Variants in GRIP1 observed in about 807,000 individuals in gnomAD.
GRIP1 encodes the protein glutamate receptor interacting protein 1.
GRIP1 carries 45 observed loss-of-function variants against 129.9 expected under a neutral mutation model. That is an observed-to-expected ratio of 0.35 (90% CI 0.27 to 0.44). The LOEUF is 0.44. Ranked by LOEUF, GRIP1 falls within the 20% of genes least tolerant of loss-of-function variation. The pLI is 1.00. For synonymous variants in GRIP1, 530 were observed against 520.8 expected (o/e 1.02, Z -0.24); for missense variants, 1,196 against 1,396.8 (o/e 0.86, Z 2.29).
chr12:66,463,020 C>T lies in GRIP1; in HGVS notation c.946G>A (p.Glu316Lys). 6.2e-7 allele frequency: 1 copy of T among 1,613,932 alleles called. No individual in the cohort carries two copies. The highest frequency in any genetic ancestry group is 1.1e-5 in the South Asian group (1 of 91,060). Reference sequence around the variant, plus strand: ...GTGTTGGCCAGGAACTGGGTTGCTTCTGCAAGTGTACAGTACTCCATGCTG... The same window carrying T: ...GTGTTGGCCAGGAACTGGGTTGCTTTTGCAAGTGTACAGTACTCCATGCTG... ...GTSMEYCTLA[E>K]ATQFLANTTD... Residue 316 changes from glutamate to lysine, a missense_variant, in exon 9 of 25, where the codon GAA (glutamate) becomes AAA (lysine). By Grantham distance (56) the Glu-to-Lys change is moderately conservative. Around this residue, in one of 5 missense-constraint regions of GRIP1, gnomAD observed 508 missense variants for 587.0 expected, o/e 0.87. Transcript: ENST00000359742.
At chr12:66,568,347 T>G (rs1356784786) in intron 2 of GRIP1, 1 of 177,152 alleles carries the variant, frequency 5.6e-6, no homozygotes, top group Non-Finnish European at 1.2e-5. Context: ...AAAAAATGTC[T>G]GCATATGCTT....
At chr12:66,717,854 T>C (rs1004894449) in intron 1 of GRIP1, among the ~76,000 whole-genome samples, 6 of 152,136 alleles carry the variant, frequency 3.9e-5, no homozygotes, top group African/African-American at 1.4e-4. Context: ...ATTTCTGTGT[T>C]TTGGTTAATG....
chr12:66,483,410 T>C (rs1051407778), intron 7 of GRIP1, among the ~76,000 whole-genome samples: 2 of 152,192 alleles, frequency 1.3e-5, no homozygotes, highest in African/African-American at 4.8e-5. Context: ...ATAAGCTTCG[T>C]CTTAAATCCT....
At chr12:66,995,453 A>G (rs903532207) in intron 1 of GRIP1, among the ~76,000 whole-genome samples, 12 of 152,136 alleles carry the variant, frequency 7.9e-5, no homozygotes, top group African/African-American at 2.9e-4. Flanking sequence ...TATATCTGAT[A>G]TTGGACTTAT....
chr12:66,415,621 T>A (rs558222978), intron 15 of GRIP1, among the ~76,000 whole-genome samples: 1 of 152,208 alleles, frequency 6.6e-6, no homozygotes, highest in South Asian at 2.1e-4. Flanking sequence ...ATATGCACGC[T>A]TATGTCCACT....
At chr12:66,379,902 T>C (rs1388471451) in intron 19 of GRIP1, among the ~76,000 whole-genome samples, 1 of 152,104 alleles carries the variant, frequency 6.6e-6, no homozygotes, top group Non-Finnish European at 1.5e-5. Flanking sequence ...ATATTTCTCA[T>C]CCATTTCAAA....
chr12:66,961,476 T>C (rs2041920191), intron 1 of GRIP1, among the ~76,000 whole-genome samples: 1 of 152,180 alleles, frequency 6.6e-6, no homozygotes, highest in Non-Finnish European at 1.5e-5. Flanking sequence ...AACAATGTTA[T>C]AAGAAGTAGT....
intron 24 of GRIP1, among the ~76,000 whole-genome samples, chr12:66,350,833 C>T (rs1390201308): frequency 6.6e-6 from 1 of 152,180 alleles, no homozygotes; most frequent in Non-Finnish European, 1.5e-5. Flanking sequence ...TATTGTATTG[C>T]CTTTCTATGT....
intron 22 of GRIP1, among the ~76,000 whole-genome samples, chr12:66,372,786 T>C (rs1451560862): frequency 2.6e-5 from 4 of 151,644 alleles, no homozygotes; most frequent in Admixed American, 6.6e-5. Context: ...GAAACCAATA[T>C]CAAGTAGTGG....
intron 1 of GRIP1, among the ~76,000 whole-genome samples, chr12:66,605,667 T>C (rs2064489764): frequency 6.6e-6 from 1 of 152,294 alleles, no homozygotes; most frequent in East Asian, 1.9e-4. Context: ...ACTTTATAAC[T>C]TCGGTAACTT....
chr12:67,035,344 G>C (rs1015320687), intron 1 of GRIP1, among the ~76,000 whole-genome samples: 7 of 152,148 alleles, frequency 4.6e-5, no homozygotes, highest in Non-Finnish European at 2.9e-5. Flanking sequence ...GGGAGGGTTC[G>C]CAGTTTGGAA....
intron 1 of GRIP1, among the ~76,000 whole-genome samples, chr12:66,981,631 T>C (rs1027686742): frequency 5.9e-5 from 9 of 152,220 alleles, no homozygotes; most frequent in Non-Finnish European, 7.3e-5. Context: ...AATTTAGCTT[T>C]ACAGCAAGGT....
chr12:67,042,692 A>T (rs2043197857), intron 1 of GRIP1, among the ~76,000 whole-genome samples: 1 of 152,222 alleles, frequency 6.6e-6, no homozygotes, highest in South Asian at 2.1e-4. Flanking sequence ...AGAGGCCAGG[A>T]CTGAGGACAA....
At chr12:66,566,651 G>A (rs1389129408) in intron 2 of GRIP1, among the ~76,000 whole-genome samples, 2 of 152,166 alleles carry the variant, frequency 1.3e-5, no homozygotes, top group South Asian at 2.1e-4. Flanking sequence ...ATGAGTTAGG[G>A]AGGATTCCCT....
At chr12:66,743,100 A>C (rs1283476247) in intron 1 of GRIP1, among the ~76,000 whole-genome samples, 1 of 152,186 alleles carries the variant, frequency 6.6e-6, no homozygotes, top group Non-Finnish European at 1.5e-5. Context: ...AAATAAATAA[A>C]GAAGAGAACC....
At chr12:67,054,288 T>C (rs1487190867) in intron 1 of GRIP1, among the ~76,000 whole-genome samples, 1 of 152,246 alleles carries the variant, frequency 6.6e-6, no homozygotes, top group African/African-American at 2.4e-5. Context: ...AACAGATATT[T>C]ACTAAGCACC....
intron 2 of GRIP1, among the ~76,000 whole-genome samples, chr12:66,570,703 C>T (rs2062932347): frequency 6.6e-6 from 1 of 152,112 alleles, no homozygotes; most frequent in Non-Finnish European, 1.5e-5. Flanking sequence ...GGGAGGCATC[C>T]TAGCAATGTA....
chr12:66,451,383 G>GTTTTTTTTTTTTTT lies in GRIP1; in HGVS notation c.1354+4012_1354+4025dup, dbSNP rs1169331519. On this transcript the variant is annotated intron_variant, in intron 11 of 24. Transcript: ENST00000359742. ...CCCCAAAGATTTATTATTATAATCT[G>GTTTTTTTTTTTTTT]TTTTTTTTTTTTTTTTTTTTTTTTT... is the stretch of plus-strand genomic sequence containing the variant. Among the ~76,000 whole-genome samples, 34 of 42,652 alleles carry GTTTTTTTTTTTTTT rather than the reference G, an allele frequency of 8.0e-4. 7 individuals carry two copies. Among genetic ancestry groups the GTTTTTTTTTTTTTT allele is most frequent in the Non-Finnish European group, 8.8e-4 (21 of 23,898 alleles). 28.0% of individuals were successfully genotyped at this position (42,652 alleles called of 152,430 possible).
intron 1 of GRIP1, among the ~76,000 whole-genome samples, chr12:66,973,926 T>C (rs1251224479): frequency 2.7e-5 from 4 of 148,016 alleles, no homozygotes; most frequent in African/African-American, 9.9e-5. Flanking sequence ...TTTCTTTTTT[T>C]TTTTTTTTTT....
Sources: gnomAD v4.1 joint callset for allele counts (sites outside exome capture counted in the v4.1 genomes callset) on GRCh38, gnomAD v4.1.1 for gene constraint, gnomAD v4.1.1 regional missense constraint, MANE v1.5 for transcripts, NCBI Gene and HGNC (gene_info 2026-07-23, HGNC 2026-07-21) for gene names.